The following POT1 variants were observed in gnomAD, a reference collection of about 807,000 sequenced individuals.
POT1 encodes the protein protection of telomeres 1.
Under a neutral mutation model 78.5 loss-of-function variants are expected in POT1, and 47 were observed. That is an observed-to-expected ratio of 0.60 (90% CI 0.47 to 0.76). The LOEUF (loss-of-function observed/expected upper bound fraction) is 0.76, where lower values mean the gene tolerates loss of function less well. Ranked by LOEUF, POT1 falls within the 30% of genes least tolerant of loss-of-function variation. POT1 has a pLI of 0.00. For synonymous variants in POT1, 259 were observed against 260.7 expected (o/e 0.99, Z 0.06); for missense variants, 646 against 749.9 (o/e 0.86, Z 1.62).
chr7:124,883,914 T>C (rs781304884), intron 6 of POT1, among the ~76,000 whole-genome samples: 1 of 151,872 alleles, frequency 6.6e-6, no homozygotes, highest in Non-Finnish European at 1.5e-5. Context: ...CTAGGTCTTA[T>C]GAAGTAACAA....
chr7:124,861,278 C>A (rs915916891), intron 8 of POT1, among the ~76,000 whole-genome samples: 1 of 152,176 alleles, frequency 6.6e-6, no homozygotes, highest in African/African-American at 2.4e-5. Flanking sequence ...TGTTTCCTGA[C>A]TTTTTAACGA....
chr7:124,893,774 C>T (rs1397789288), intron 5 of POT1, among the ~76,000 whole-genome samples: 1 of 151,544 alleles, frequency 6.6e-6, no homozygotes, highest in African/African-American at 2.4e-5. Flanking sequence ...TAATGACTTA[C>T]TAATCCCAGT....
At chr7:124,899,734 C>T (rs1325460264) in intron 3 of POT1, among the ~76,000 whole-genome samples, 4 of 97,884 alleles carry the variant, frequency 4.1e-5, no homozygotes, top group Non-Finnish European at 6.8e-5. Context: ...TCTAAATTAT[C>T]CAAGTAGAAA....
chr7:124,917,075 C>T lies in POT1; in HGVS notation c.-226-1429G>A, dbSNP rs563178578. 7.9e-5 allele frequency among the ~76,000 whole-genome samples: 12 copies of T among 152,162 alleles called. No homozygotes were observed. The South Asian group carries it at 8.3e-4, about 11-fold the overall frequency. On this transcript the variant is annotated intron_variant, in intron 2 of 18. Transcript: ENST00000357628. ...TATCCCTGTTAGGGATGGGCAGGAA[C>T]GGGTACATAGGTGTAAGGCCCAGAC...
Position 124,823,902 on chromosome 7 carries a change from G to T in POT1, c.*60C>A. Reference sequence around the variant, plus strand: ...TGATACAAAACTCAGGTCAGGAAAAGAAGCTCAAACAGGGAAGGTGAGTGG... The same window carrying T: ...TGATACAAAACTCAGGTCAGGAAAATAAGCTCAAACAGGGAAGGTGAGTGG... On this transcript the variant is annotated 3_prime_UTR_variant, in exon 19 of 19. Transcript: ENST00000357628. 1.8e-6 allele frequency: 2 copies of T among 1,087,402 alleles called. No homozygotes were observed. Among genetic ancestry groups the T allele is most frequent in the African/African-American group, 1.6e-5 (1 of 63,912 alleles). The allele number at this position is 1,087,402 out of a possible 1,614,324, so 67.4% of individuals were successfully genotyped here.
intron 13 of POT1, among the ~76,000 whole-genome samples, chr7:124,841,795 G>A (rs758836803): frequency 2.0e-4 from 30 of 151,816 alleles, no homozygotes; most frequent in African/African-American, 2.9e-4. Context: ...AAAAATGATC[G>A]CGGAGAGTGG....
At chr7:124,825,193 A>C in intron 18 of POT1, 59 bp downstream of exon 18, 2 of 1,119,384 alleles carry the variant, frequency 1.8e-6, no homozygotes, top group Admixed American at 3.7e-5. Context: ...CAGAGTACAT[A>C]TATGTTAGTG....
At chr7:124,901,943 G>T (rs1174067911) in intron 3 of POT1, among the ~76,000 whole-genome samples, 1 of 152,060 alleles carries the variant, frequency 6.6e-6, no homozygotes, top group African/African-American at 2.4e-5. Flanking sequence ...AAGATCAAAT[G>T]AATGAAATAA....
At chr7:124,919,147 C>T (rs899473381) in intron 2 of POT1, among the ~76,000 whole-genome samples, 23 of 151,926 alleles carry the variant, frequency 1.5e-4, no homozygotes, top group Non-Finnish European at 2.1e-4. Flanking sequence ...ACAACATATA[C>T]GGTATTGAAT....
At position 124,928,912 on chromosome 7, in the gene POT1, A is replaced by T. The variant is rs1241365711; in HGVS notation, c.-324T>A. On this transcript the variant is annotated 5_prime_UTR_variant, in exon 2 of 19. Coordinates refer to ENST00000357628, the MANE Select transcript of POT1 (RefSeq NM_015450.3). ...CGGCTGAACTTCAGGCACCCCATTG[A>T]CTTCCTTTATTAATTCAAGTGGCAT... 2 of 152,596 alleles carry T rather than the reference A, an allele frequency of 1.3e-5. No homozygotes were observed. Among genetic ancestry groups the T allele is most frequent in the Non-Finnish European group, 2.9e-5 (2 of 68,036 alleles). The allele number at this position is 152,596 out of a possible 1,614,324, so 9.5% of individuals were successfully genotyped here.
chr7:124,899,473 G>T (rs551175135), intron 3 of POT1, among the ~76,000 whole-genome samples: 1 of 152,102 alleles, frequency 6.6e-6, no homozygotes, highest in African/African-American at 2.4e-5. Context: ...TCTTACTGAA[G>T]ATTTTATATT....
intron 6 of POT1, among the ~76,000 whole-genome samples, chr7:124,874,789 A>T (rs1196957837): frequency 6.6e-6 from 1 of 151,294 alleles, no homozygotes; most frequent in African/African-American, 2.4e-5. Flanking sequence ...AAAGGAGAGA[A>T]GGGAATGAGG....
intron 6 of POT1, among the ~76,000 whole-genome samples, chr7:124,884,592 A>T (rs1796199167): frequency 6.6e-6 from 1 of 150,646 alleles, no homozygotes; most frequent in Non-Finnish European, 1.5e-5. Context: ...CACAAAAAGG[A>T]TGAGAGATCT....
At chr7:124,830,449 TAG>T (rs916630346) in intron 15 of POT1, among the ~76,000 whole-genome samples, 2 of 152,172 alleles carry the variant, frequency 1.3e-5, no homozygotes, top group African/African-American at 4.8e-5. Context: ...ATTAAATATA[TAG>T]GTGTTTCTTT....
chr7:124,832,327 G>A (rs980851394), intron 15 of POT1, among the ~76,000 whole-genome samples: 4 of 149,956 alleles, frequency 2.7e-5, no homozygotes, highest in East Asian at 1.9e-4. Flanking sequence ...TGGTGGATAC[G>A]TAATTGTTGT....
rs191459325 is a variant in POT1 at position 124,897,380 on chromosome 7, A to G, written c.-39-168T>C. On this transcript the variant is annotated intron_variant, in intron 4 of 18. Coordinates refer to ENST00000357628, the MANE Select transcript of POT1 (RefSeq NM_015450.3). ...AAAGTGAAATGTGCAAAGTTGTCTA[A>G]GCTACAGAAACTTAAAAAAAAAAGG... is the stretch of plus-strand genomic sequence containing the variant. Among the ~76,000 whole-genome samples, 377 of 125,754 alleles carry G rather than the reference A, an allele frequency of 3.0e-3. 1 individual carries two copies. The highest frequency in any genetic ancestry group is 0.011 in the African/African-American group (368 of 32,812). The allele number at this position is 125,754 out of a possible 152,430, so 82.5% of individuals were successfully genotyped here.
chr7:124,856,727 G>A (rs1795455710), intron 9 of POT1, among the ~76,000 whole-genome samples: 1 of 152,130 alleles, frequency 6.6e-6, no homozygotes, highest in South Asian at 2.1e-4. Flanking sequence ...AATGGCGAAG[G>A]AAGGTATGCA....
intron 9 of POT1, among the ~76,000 whole-genome samples, chr7:124,856,254 G>A (rs918544207): frequency 4.6e-5 from 7 of 152,154 alleles, no homozygotes; most frequent in Admixed American, 1.3e-4. Flanking sequence ...TCAATGTCAC[G>A]TGAGTGAAGA....
intron 6 of POT1, 118 bp downstream of exon 6, chr7:124,892,148 T>G (rs1796387012): frequency 3.3e-6 from 2 of 598,910 alleles, no homozygotes; most frequent in African/African-American, 1.9e-5. Flanking sequence ...CAGTGTTGTT[T>G]GGCAATTATA....
Sources: allele counts gnomAD v4.1 joint callset (sites outside exome capture counted in the v4.1 genomes callset), GRCh38; gene constraint gnomAD v4.1.1; transcripts MANE v1.5; gene names NCBI Gene and HGNC (gene_info 2026-07-23, HGNC 2026-07-21).